Variants in INPP4B observed in about 807,000 individuals in gnomAD.
INPP4B encodes inositol polyphosphate-4-phosphatase type II B, also known as inositol polyphosphate 4-phosphatase type II.
A neutral mutation model predicts 122.5 loss-of-function variants in INPP4B; 55 were observed. The observed-to-expected ratio is 0.45, with a 90% CI of 0.36 to 0.56. The LOEUF is 0.56. Ranked by LOEUF, INPP4B falls within the 20% of genes least tolerant of loss-of-function variation. The pLI, the probability that INPP4B is intolerant of heterozygous loss-of-function variation, is 0.00. For synonymous variants in INPP4B, 403 were observed against 388.7 expected (o/e 1.04, Z -0.43); for missense variants, 1,000 against 1,097.7 (o/e 0.91, Z 1.26).
At chr4:142,249,453 C>T (rs1730839974) in intron 11 of INPP4B, among the ~76,000 whole-genome samples, 2 of 152,134 alleles carry the variant, frequency 1.3e-5, no homozygotes, top group South Asian at 4.2e-4. Flanking sequence ...GACTTTTTAA[C>T]TGTAAATAAT....
chr4:142,364,193 C>G (rs559643715), intron 7 of INPP4B, among the ~76,000 whole-genome samples: 4 of 151,944 alleles, frequency 2.6e-5, no homozygotes. Context: ...ATGCTAAGAA[C>G]AGAAAGAATA....
chr4:142,602,374 A>C (rs1427175873), intron 2 of INPP4B, among the ~76,000 whole-genome samples: 1 of 152,222 alleles, frequency 6.6e-6, no homozygotes, highest in Non-Finnish European at 1.5e-5. Context: ...GATAGAAAGA[A>C]TCAATATTGT....
chr4:142,328,593 G>A (rs1329877506), intron 7 of INPP4B, among the ~76,000 whole-genome samples: 3 of 152,100 alleles, frequency 2.0e-5, no homozygotes, highest in African/African-American at 2.4e-5. Context: ...AGACATTAAG[G>A]AGATTTACAA....
At chr4:142,441,412 A>C (rs531202622) in intron 3 of INPP4B, among the ~76,000 whole-genome samples, 1 of 152,302 alleles carries the variant, frequency 6.6e-6, no homozygotes, top group South Asian at 2.1e-4. Context: ...AGTAAATTAC[A>C]AGCCACTAAC....
At chr4:142,588,442 CAAAT>C (rs780233334) in intron 2 of INPP4B, among the ~76,000 whole-genome samples, 1 of 151,486 alleles carries the variant, frequency 6.6e-6, no homozygotes, top group Non-Finnish European at 1.5e-5. Context: ...ACTATGGAGA[CAAAT>C]AAGGAAGTGT....
chr4:142,151,545 T>C (rs1322054759), intron 17 of INPP4B, among the ~76,000 whole-genome samples: 1 of 152,200 alleles, frequency 6.6e-6, no homozygotes, highest in Non-Finnish European at 1.5e-5. Flanking sequence ...AATTTTGACC[T>C]CTCCATATTC....
At chr4:142,723,124 TA>T (rs1764903153) in intron 2 of INPP4B, among the ~76,000 whole-genome samples, 1 of 152,112 alleles carries the variant, frequency 6.6e-6, no homozygotes, top group Admixed American at 6.5e-5. Flanking sequence ...ATAGTAGCCT[TA>T]TAACCCAGTT....
At chr4:142,504,039 T>C (rs1322131883) in intron 2 of INPP4B, among the ~76,000 whole-genome samples, 1 of 151,986 alleles carries the variant, frequency 6.6e-6, no homozygotes, top group African/African-American at 2.4e-5. Flanking sequence ...AAAATTGGAA[T>C]CCCATAACTT....
At chr4:142,047,837 T>C (rs1346746071) in intron 25 of INPP4B, among the ~76,000 whole-genome samples, 1 of 152,068 alleles carries the variant, frequency 6.6e-6, no homozygotes, top group East Asian at 1.9e-4. Context: ...GTATTTTCCT[T>C]CCTTTTCCTA....
At chr4:142,569,664 AG>A (rs928759067) in intron 2 of INPP4B, among the ~76,000 whole-genome samples, 9 of 152,148 alleles carry the variant, frequency 5.9e-5, no homozygotes, top group African/African-American at 2.2e-4. Context: ...CTCAAAATTG[AG>A]GATTATATTC....
chr4:142,808,842 A>T (rs1408517163), intron 1 of INPP4B, among the ~76,000 whole-genome samples: 1 of 152,162 alleles, frequency 6.6e-6, no homozygotes, highest in Non-Finnish European at 1.5e-5. Flanking sequence ...GATGAAAATC[A>T]TCTATATCTT....
chr4:142,026,373 C>T lies in INPP4B; in HGVS notation c.*2409G>A, dbSNP rs972542634. On this transcript the variant is annotated 3_prime_UTR_variant, in exon 26 of 26. Coordinates refer to ENST00000262992, the MANE Select transcript of INPP4B (RefSeq NM_001101669.3). ...AGAAGTTTGCACCAGTACAGGCTTT[C>T]TATAAGGAAATGCAGATGACTATGG... 8 of 152,156 alleles carry T rather than the reference C, an allele frequency of 5.3e-5. No homozygotes were observed. Among genetic ancestry groups the T allele is most frequent in the Non-Finnish European group, 1.2e-4 (8 of 68,030 alleles). 9.4% of individuals were successfully genotyped at this position (152,156 alleles called of 1,614,324 possible). A position where few individuals can be genotyped will look rare whatever the true frequency, so the allele number is the denominator to read the frequency against.
In INPP4B at chr4:142,030,131, T is replaced by C. The variant is rs1463724760; in HGVS notation, c.2643-1217A>G. ...AAAAAGGAATACAACATAAAACTTA[T>C]TGGTATTTGGCTAAGAGTAACGCCA... On this transcript the variant is annotated intron_variant, in intron 25 of 25. Transcript: ENST00000262992. 46 of 1,531,862 alleles carry C rather than the reference T, an allele frequency of 3.0e-5. No individual in the cohort carries two copies. The Admixed American group carries it at 6.1e-4, about 20-fold the overall frequency. 94.9% of individuals were successfully genotyped at this position (1,531,862 alleles called of 1,614,324 possible).
chr4:142,741,717 CA>C (rs1476400690), intron 1 of INPP4B, among the ~76,000 whole-genome samples: 9 of 151,850 alleles, frequency 5.9e-5, no homozygotes, highest in African/African-American at 2.2e-4. Flanking sequence ...ACATTTGAAT[CA>C]TTACATAAAA....
At chr4:142,317,418 G>A in intron 7 of INPP4B, 1 of 313,284 alleles carries the variant, frequency 3.2e-6, no homozygotes, top group Admixed American at 3.7e-5. Flanking sequence ...AGAAGAAACT[G>A]TGGCTACTAT....
At chr4:142,388,791 T>A (rs1330349794) in intron 7 of INPP4B, among the ~76,000 whole-genome samples, 2 of 152,200 alleles carry the variant, frequency 1.3e-5, no homozygotes, top group African/African-American at 4.8e-5. Context: ...AGTAAAAGAA[T>A]TGCACTATCT....
chr4:142,633,466 C>T (rs1337860274), intron 2 of INPP4B, among the ~76,000 whole-genome samples: 1 of 152,054 alleles, frequency 6.6e-6, no homozygotes, highest in Non-Finnish European at 1.5e-5. Context: ...GGAATATTTG[C>T]CAAAGCTGAT....
At chr4:142,308,589 C>G (rs906403237) in intron 8 of INPP4B, among the ~76,000 whole-genome samples, 2 of 152,216 alleles carry the variant, frequency 1.3e-5, no homozygotes, top group East Asian at 3.9e-4. Context: ...TGAATACTCA[C>G]TGAACACATT....
intron 2 of INPP4B, among the ~76,000 whole-genome samples, chr4:142,624,082 C>A (rs1023967479): frequency 6.6e-6 from 1 of 151,224 alleles, no homozygotes; most frequent in African/African-American, 2.4e-5. Context: ...GGGTATATAC[C>A]CAGTAATGGG....
Sources: allele counts gnomAD v4.1 joint callset (sites outside exome capture counted in the v4.1 genomes callset), GRCh38; gene constraint gnomAD v4.1.1; transcripts MANE v1.5; gene names NCBI Gene and HGNC (gene_info 2026-07-23, HGNC 2026-07-21).